RBFOX1: variants seen among roughly 807,000 people sequenced by gnomAD.
RBFOX1 encodes the protein RNA binding fox-1 homolog 1.
RBFOX1 carries 8 observed loss-of-function variants against 57.7 expected under a neutral mutation model. The ratio of observed to expected loss-of-function variants is 0.14; its 90% CI spans 0.08 to 0.25. The LOEUF (loss-of-function observed/expected upper bound fraction) is 0.25. RBFOX1 is among the 10% of genes least tolerant of loss of function. The pLI is 1.00. For synonymous variants in RBFOX1, 326 were observed against 222.4 expected (o/e 1.47, Z -4.15); for missense variants, 611 against 548.5 (o/e 1.11, Z -1.14).
At chr16:6,892,729 G>T (rs2065766938) in intron 3 of RBFOX1, among the ~76,000 whole-genome samples, 1 of 148,540 alleles carries the variant, frequency 6.7e-6, no homozygotes, top group Non-Finnish European at 1.5e-5. Flanking sequence ...GGTTTGTTAG[G>T]AAGCAGAAGT....
Position 7,551,173 on chromosome 16 carries a change from C to T in RBFOX1, c.271-28604C>T, listed in dbSNP as rs945249651. Among the ~76,000 whole-genome samples the T allele has an allele frequency of 4.6e-5, 7 of 151,808 alleles. No individual in the cohort carries two copies. In the South Asian group the frequency reaches 6.2e-4, roughly 14 times the overall value. ...TAGAGTAACAGGGACTGGTGTGCACCGCTGCCTTAAAGAACTTTTAAAAAG... is the reference window on the plus strand; with the variant it reads ...TAGAGTAACAGGGACTGGTGTGCACTGCTGCCTTAAAGAACTTTTAAAAAG... On this transcript the variant is annotated intron_variant, in intron 5 of 15. Transcript: ENST00000550418.
intron 3 of RBFOX1, 48 bp downstream of exon 3, chr16:6,654,698 C>T: frequency 7.1e-7 from 1 of 1,415,764 alleles, no homozygotes; most frequent in Non-Finnish European, 9.4e-7. Flanking sequence ...AACAAGAACT[C>T]TGTGAATTGA....
chr16:5,336,938 C>G (rs1047565804), intron 1 of RBFOX1, among the ~76,000 whole-genome samples: 3 of 152,234 alleles, frequency 2.0e-5, no homozygotes, highest in African/African-American at 7.2e-5. Flanking sequence ...CTCCTCCTGG[C>G]TGCATCTGAC....
chr16:7,523,552 C>G (rs1011812018), intron 5 of RBFOX1, among the ~76,000 whole-genome samples: 1 of 152,056 alleles, frequency 6.6e-6, no homozygotes, highest in African/African-American at 2.4e-5. Flanking sequence ...GTATGGTGGA[C>G]CGGTTAGCTG....
Position 5,885,427 on chromosome 16 carries a change from A to T in RBFOX1, c.351+18092A>T, listed in dbSNP as rs1311559506. The stretch of plus-strand genomic sequence containing the variant: ...AGCTGCTAGTAAAATAGCAACTTGC[A>T]AGGTTAAGAAAAGCATCACAAAACA... On this transcript the variant is annotated intron_variant, in intron 4 of 19. Transcript: ENST00000641259. 2.0e-5 allele frequency among the ~76,000 whole-genome samples: 3 copies of T among 152,216 alleles called. 1 individual carries two copies. Among genetic ancestry groups the T allele is most frequent in the Non-Finnish European group, 4.4e-5 (3 of 68,024 alleles).
intron 4 of RBFOX1, among the ~76,000 whole-genome samples, chr16:7,088,039 C>G (rs763457589): frequency 6.6e-6 from 1 of 152,016 alleles, no homozygotes; most frequent in Non-Finnish European, 1.5e-5. Flanking sequence ...TACATGTGCT[C>G]GCATTTCCAG....
At chr16:5,728,820 C>G (rs1213562375) in intron 3 of RBFOX1, among the ~76,000 whole-genome samples, 1 of 152,164 alleles carries the variant, frequency 6.6e-6, no homozygotes, top group East Asian at 1.9e-4. Context: ...TCCCTCCCCA[C>G]CTCCAGCAAA....
intron 5 of RBFOX1, among the ~76,000 whole-genome samples, chr16:7,575,941 T>C (rs1178208134): frequency 6.6e-6 from 1 of 151,998 alleles, no homozygotes; most frequent in Non-Finnish European, 1.5e-5. Context: ...GTCCTTTTTG[T>C]TTTTGTTTTA....
At chr16:7,062,331 A>G (rs1272371195) in intron 4 of RBFOX1, among the ~76,000 whole-genome samples, 3 of 150,334 alleles carry the variant, frequency 2.0e-5, no homozygotes, top group African/African-American at 7.4e-5. Context: ...AAAAAAAAAA[A>G]AAAAAAAGAA....
chr16:6,291,878 G>A (rs147846032), intron 1 of RBFOX1, among the ~76,000 whole-genome samples: 6 of 152,120 alleles, frequency 3.9e-5, no homozygotes, highest in African/African-American at 1.4e-4. Flanking sequence ...ATTGAGACTT[G>A]CCTTGGTCAT....
At chr16:7,370,017 A>G (rs1355621117) in intron 4 of RBFOX1, among the ~76,000 whole-genome samples, 4 of 152,098 alleles carry the variant, frequency 2.6e-5, no homozygotes, top group Non-Finnish European at 5.9e-5. Context: ...CTTTTTAATT[A>G]CTCTAAGTCA....
At chr16:7,543,127 C>T (rs1442496356) in intron 5 of RBFOX1, among the ~76,000 whole-genome samples, 7 of 152,154 alleles carry the variant, frequency 4.6e-5, no homozygotes, top group African/African-American at 9.7e-5. Context: ...TTCTGCACCC[C>T]GCCATGCATT....
chr16:6,890,655 G>C (rs1392137489), intron 3 of RBFOX1, among the ~76,000 whole-genome samples: 5 of 152,186 alleles, frequency 3.3e-5, no homozygotes, highest in African/African-American at 1.2e-4. Flanking sequence ...TTCCTATCTA[G>C]GGATTTATCT....
At chr16:7,449,135 G>C (rs2068802053) in intron 4 of RBFOX1, among the ~76,000 whole-genome samples, 1 of 151,894 alleles carries the variant, frequency 6.6e-6, no homozygotes, top group African/African-American at 2.4e-5. Context: ...CTCCATGTTG[G>C]TCAGGCTGGT....
At chr16:7,559,470 A>G (rs899568456) in intron 5 of RBFOX1, among the ~76,000 whole-genome samples, 3 of 152,096 alleles carry the variant, frequency 2.0e-5, no homozygotes, top group East Asian at 3.9e-4. Context: ...CCCCAACCCC[A>G]TCTGCCTTAA....
At chr16:5,430,215 G>A (rs1462209197) in intron 1 of RBFOX1, among the ~76,000 whole-genome samples, 3 of 152,142 alleles carry the variant, frequency 2.0e-5, no homozygotes, top group Admixed American at 2.0e-4. Flanking sequence ...TAATGACACA[G>A]CTAATTACAG....
intron 3 of RBFOX1, among the ~76,000 whole-genome samples, chr16:6,853,292 T>C (rs1755436620): frequency 6.6e-6 from 1 of 152,174 alleles, no homozygotes; most frequent in Admixed American, 6.5e-5. Flanking sequence ...TATATTCTTG[T>C]TTTTGATATT....
chr16:6,610,141 A>G (rs2098022419), intron 2 of RBFOX1, among the ~76,000 whole-genome samples: 1 of 152,208 alleles, frequency 6.6e-6, no homozygotes, highest in South Asian at 2.1e-4. Flanking sequence ...CATGGACCTC[A>G]CGTTGATTCT....
At chr16:6,463,918 G>C (rs2094979749) in intron 2 of RBFOX1, among the ~76,000 whole-genome samples, 1 of 151,970 alleles carries the variant, frequency 6.6e-6, no homozygotes, top group African/African-American at 2.4e-5. Context: ...GAACCACCCA[G>C]CTTGATAGTT....
Sources: allele counts gnomAD v4.1 joint callset (sites outside exome capture counted in the v4.1 genomes callset), GRCh38; gene constraint gnomAD v4.1.1; transcripts MANE v1.5; gene names NCBI Gene and HGNC (gene_info 2026-07-23, HGNC 2026-07-21).